Variants in ZYG11B observed in about 807,000 individuals in gnomAD.
ZYG11B encodes the protein protein zyg-11 homolog B.
Under a neutral mutation model 82.4 loss-of-function variants are expected in ZYG11B, and 36 were observed. The ratio of observed to expected loss-of-function variants is 0.44; its 90% confidence interval spans 0.33 to 0.58. The LOEUF (loss-of-function observed/expected upper bound fraction) is 0.58, where lower values mean the gene tolerates loss of function less well. Among genes scored for constraint, ZYG11B ranks in the 20% least tolerant of loss-of-function variants. The probability of loss-of-function intolerance (pLI) is 0.02; values close to 1 mark genes in which losing one functional copy is unlikely to be tolerated. For synonymous variants in ZYG11B, 303 were observed against 312.8 expected, an observed-to-expected ratio of 0.97 and a Z score of 0.33; for missense variants, 552 against 895.6, an observed-to-expected ratio of 0.62 and a Z score of 4.90.
intron 13 of ZYG11B, among the ~76,000 whole-genome samples, chr1:52,817,490 A>C (rs1017040158): frequency 6.6e-6 from 1 of 151,560 alleles, no homozygotes; most frequent in Non-Finnish European, 1.5e-5. Context: ...GTCCAGGCTC[A>C]GATGATCCTC....
rs1218026694 is a variant in ZYG11B, at chr1:52,793,738, G to C, written c.1335-2554G>C. 3.3e-5 allele frequency among the ~76,000 whole-genome samples: 5 copies of C among 152,112 alleles called. No individual in the cohort carries two copies. The East Asian group carries it at 9.6e-4, about 29-fold the overall frequency. On this transcript the variant is annotated intron_variant, in intron 6 of 13. Transcript: ENST00000294353. ...TGAAGACTAATGAACAATCTGCTTT[G>C]CAGAAAGCATAGGGTAGGCAGGAAG...
chr1:52,825,690 G>C lies in ZYG11B; in HGVS notation c.*4061G>C, dbSNP rs996227639. The C allele has an allele frequency of 2.0e-5, 3 of 148,734 alleles. No homozygotes were observed. Among genetic ancestry groups the C allele is most frequent in the African/African-American group, 7.4e-5 (3 of 40,368 alleles). 9.2% of individuals were successfully genotyped at this position (148,734 alleles called of 1,614,324 possible). ...AAAAAAAAAAGCGAGAGAGAGAGAT[G>C]GTGTCTCACTGTGTTGCCCAGGCTG... On this transcript the variant is annotated 3_prime_UTR_variant, in exon 14 of 14. Coordinates refer to ENST00000294353, the MANE Select transcript of ZYG11B (RefSeq NM_024646.3).
At chr1:52,731,232 G>A (rs1571735715) in intron 1 of ZYG11B, among the ~76,000 whole-genome samples, 1 of 151,000 alleles carries the variant, frequency 6.6e-6, no homozygotes, top group African/African-American at 2.4e-5. Flanking sequence ...CTGCGATTGT[G>A]CCACTGCACT....
rs1163120976 is a variant in ZYG11B at position 52,826,387 on chromosome 1, G to A, written c.*4758G>A. 1 of 152,122 alleles carries A rather than the reference G, an allele frequency of 6.6e-6. No individual in the cohort carries two copies. The highest frequency in any genetic ancestry group is 1.5e-5 in the Non-Finnish European group (1 of 68,034). 9.4% of individuals were successfully genotyped at this position (152,122 alleles called of 1,614,324 possible). A position where few individuals can be genotyped will look rare whatever the true frequency, so the allele number is the denominator to read the frequency against. On this transcript the variant is annotated 3_prime_UTR_variant, in exon 14 of 14. Transcript: ENST00000294353. ...TTTTTAATTTGCAGTATTCACTCAC[G>A]AACTGTTTTATTTTAGGAATAATGC...
intron 1 of ZYG11B, among the ~76,000 whole-genome samples, chr1:52,741,233 G>A (rs1389518100): frequency 1.4e-5 from 2 of 142,524 alleles, no homozygotes; most frequent in East Asian, 4.6e-4. Context: ...AAGAGGCAGA[G>A]GTTGCAGTGA....
intron 3 of ZYG11B, 79 bp from the exon 4 acceptor site, chr1:52,779,774 G>A (rs1644839861): frequency 9.6e-6 from 15 of 1,560,188 alleles, no homozygotes; most frequent in Admixed American, 1.9e-5. Flanking sequence ...ACAGGCGTGA[G>A]CCACCGCGCC....
chr1:52,790,924 T>C (rs1245375145), intron 6 of ZYG11B, among the ~76,000 whole-genome samples: 3 of 151,164 alleles, frequency 2.0e-5, no homozygotes, highest in Non-Finnish European at 4.4e-5. Context: ...TAAGATGTAA[T>C]TTTGGAGCTT....
intron 13 of ZYG11B, among the ~76,000 whole-genome samples, chr1:52,819,111 A>C (rs964650997): frequency 1.3e-5 from 2 of 152,174 alleles, no homozygotes; most frequent in East Asian, 1.9e-4. Flanking sequence ...AACTCACTGC[A>C]TACCACAAAA....
intron 4 of ZYG11B, 103 bp downstream of exon 4, chr1:52,780,096 AT>A: frequency 1.8e-6 from 2 of 1,136,628 alleles, no homozygotes; most frequent in Non-Finnish European, 2.5e-6. Context: ...TTTTTTTATT[AT>A]TTATAATGTG....
At chr1:52,756,192 G>C (rs186890828) in intron 1 of ZYG11B, among the ~76,000 whole-genome samples, 1 of 152,166 alleles carries the variant, frequency 6.6e-6, no homozygotes, top group African/African-American at 2.4e-5. Context: ...AGAACCCCCT[G>C]CTGTGTGCTT....
intron 10 of ZYG11B, among the ~76,000 whole-genome samples, chr1:52,805,837 AAAAAC>A (rs1200550011): frequency 6.6e-6 from 1 of 152,176 alleles, no homozygotes; most frequent in Non-Finnish European, 1.5e-5. Context: ...CTCAGAAAAC[AAAAAC>A]AAAACAAAAC....
chr1:52,763,583 G>A (rs771722039), intron 2 of ZYG11B, among the ~76,000 whole-genome samples: 1 of 151,964 alleles, frequency 6.6e-6, no homozygotes, highest in Non-Finnish European at 1.5e-5. Context: ...GCCACCCAAA[G>A]TACTAGTATT....
intron 1 of ZYG11B, among the ~76,000 whole-genome samples, chr1:52,742,734 C>G (rs7520529): frequency 0.63 from 94,804 of 151,048 alleles, 31,707 homozygotes; most frequent in East Asian, 0.97. Flanking sequence ...CCCAGCTTCT[C>G]GGGAGGCTGA....
At chr1:52,817,777 G>GTATA (rs869260265) in intron 13 of ZYG11B, among the ~76,000 whole-genome samples, 1,278 of 40,934 alleles carry the variant, frequency 0.031, 30 homozygotes, top group Non-Finnish European at 0.038. Context: ...ATATATATGT[G>GTATA]TATATATATA....
chr1:52,797,154 A>G (rs1182943958), intron 8 of ZYG11B, among the ~76,000 whole-genome samples: 1 of 72,664 alleles, frequency 1.4e-5, no homozygotes, highest in African/African-American at 7.4e-5. Flanking sequence ...TATATTATAT[A>G]TTTATATATT....
chr1:52,766,825 G>A (rs1316494466), intron 2 of ZYG11B, among the ~76,000 whole-genome samples: 3 of 152,038 alleles, frequency 2.0e-5, no homozygotes, highest in Non-Finnish European at 4.4e-5. Context: ...TGGCTAACAC[G>A]GTGAAACCCC....
At position 52,816,549 on chromosome 1, in the gene ZYG11B, T is replaced by C; in HGVS notation, c.1964T>C (p.Phe655Ser). Residue 655 changes from phenylalanine (F) to serine (S), a missense_variant, in exon 13 of 14, where the codon TTC (phenylalanine) becomes TCC (serine). Physicochemically the swap from Phe to Ser is radical, Grantham distance 155 (BLOSUM62 -2). Transcript: ENST00000294353. ...MVAYRSFNPF[F>S]PLLGCFTTPG... The stretch of plus-strand genomic sequence containing the variant: ...ACCTTTAGGTCCTTTAATCCATTTT[T>C]CCCATTACTTGGCTGTTTCACAACA... 6.2e-7 allele frequency: 1 copy of C among 1,612,040 alleles called. No individual in the cohort carries two copies. The highest frequency in any genetic ancestry group is 1.1e-5 in the South Asian group (1 of 90,426).
At chr1:52,794,308 TTGGAAACTAG>T (rs1195498790) in intron 6 of ZYG11B, among the ~76,000 whole-genome samples, 35 of 152,048 alleles carry the variant, frequency 2.3e-4, no homozygotes, top group South Asian at 2.1e-4. Context: ...CACACATTGA[TTGGAAACTAG>T]TGGAGACAGG....
chr1:52,727,908 G>A (rs144303048), intron 1 of ZYG11B, among the ~76,000 whole-genome samples: 1 of 152,228 alleles, frequency 6.6e-6, no homozygotes, highest in East Asian at 1.9e-4. Context: ...TGATAATTAT[G>A]TTCCCCTAGG....
Sources: gnomAD v4.1 joint callset for allele counts (sites outside exome capture counted in the v4.1 genomes callset) on GRCh38, gnomAD v4.1.1 for gene constraint, MANE v1.5 for transcripts, NCBI Gene and HGNC (gene_info 2026-07-23, HGNC 2026-07-21) for gene names.